The following DUOX2 variants were observed in gnomAD, a reference collection of about 807,000 sequenced individuals.
The protein encoded by DUOX2 is NADH/NADPH thyroid oxidase p138-tox.
In DUOX2, 185 loss-of-function variants were observed where a neutral mutation model predicts 183.3. The observed-to-expected ratio is 1.01, with a 90% CI of 0.90 to 1.14. The LOEUF (loss-of-function observed/expected upper bound fraction) is 1.14. Among genes scored for constraint, DUOX2 ranks in the 50% most tolerant of loss-of-function variants. The pLI, the probability that DUOX2 is intolerant of heterozygous loss-of-function variation, is 0.00. For missense variants in DUOX2, 1,999 were observed against 2,022.9 expected (o/e 0.99, Z 0.23); for synonymous variants, 788 against 812.4 (o/e 0.97, Z 0.51).
intron 21 of DUOX2, 166 bp from the exon 22 acceptor site, chr15:45,101,440 A>G (rs781434246): frequency 2.7e-5 from 19 of 705,574 alleles, no homozygotes; most frequent in Non-Finnish European, 4.0e-5. Context: ...AGGGCAGACA[A>G]TGTGGCAACT....
At chr15:45,109,796 A>G in intron 10 of DUOX2, 94 bp downstream of exon 10, 1 of 1,378,112 alleles carries the variant, frequency 7.3e-7, no homozygotes, top group Non-Finnish European at 1.0e-6. Flanking sequence ...AACCTGGGGC[A>G]GCAACACTCA....
At position 45,095,822 on chromosome 15, in the gene DUOX2, G is replaced by A. The variant is rs747176882; in HGVS notation, c.4080+6C>T. On this transcript the variant is annotated splice_donor_region_variant and intron_variant, in intron 30 of 33. Coordinates refer to ENST00000389039, the MANE Select transcript of DUOX2 (RefSeq NM_001363711.2). Reference sequence around the variant, plus strand: ...GCCCGGAAGCAGGGTTCCCAGTGACGGGCACCTTTGGGTATCCAGCACAGC... The same window carrying A: ...GCCCGGAAGCAGGGTTCCCAGTGACAGGCACCTTTGGGTATCCAGCACAGC... 7.1e-5 allele frequency: 115 copies of A among 1,612,288 alleles called. No homozygotes were observed. The highest frequency in any genetic ancestry group is 8.1e-5 in the Non-Finnish European group (96 of 1,178,684).
Position 45,111,073 on chromosome 15 carries a change from C to T in DUOX2, c.882+38G>A, listed in dbSNP as rs538141543. 1,135 of 744,238 alleles carry T rather than the reference C, an allele frequency of 1.5e-3. 1 individual carries two copies. The highest frequency in any genetic ancestry group is 3.5e-3 in the Middle Eastern group (9 of 2,558). 46.1% of individuals were successfully genotyped at this position (744,238 alleles called of 1,614,324 possible). ...CAGCGGAGTCTCCCGTGGGCTTGCA[C>T]GCGGAAGGGAGGACGTCGCGGGGCG... On this transcript the variant is annotated intron_variant, in intron 7 of 33. Coordinates refer to ENST00000389039, the MANE Select transcript of DUOX2 (RefSeq NM_001363711.2).
intron 26 of DUOX2, among the ~76,000 whole-genome samples, chr15:45,098,684 T>A (rs904450121): frequency 6.6e-6 from 1 of 151,674 alleles, no homozygotes; most frequent in Non-Finnish European, 1.5e-5. Context: ...TTGCTGAGTG[T>A]CTGGGACTGT....
chr15:45,113,492 C>T, intron 1 of DUOX2, 67 bp from the exon 2 acceptor site: 1 of 1,263,020 alleles, frequency 7.9e-7, no homozygotes. Context: ...CTCTATGCCT[C>T]CCCTCTTGTT....
Position 45,108,103 on chromosome 15 carries a change from G to T in DUOX2, c.1518C>A (p.Asp506Glu). ...PGPLFSAIVL[D>E]QFVRLRDGDR... Reference sequence around the variant, plus strand: ...CACCATCCCGCAGCCGTACAAACTGGTCGAGGACAATGGCACTGAACAGGG... The same window carrying T: ...CACCATCCCGCAGCCGTACAAACTGTTCGAGGACAATGGCACTGAACAGGG... Residue 506 changes from aspartate to glutamate, a missense_variant, in exon 13 of 34, where the codon GAC (aspartate) becomes GAA (glutamate). Coordinates refer to ENST00000389039, the MANE Select transcript of DUOX2 (RefSeq NM_001363711.2). 1.2e-6 allele frequency: 2 copies of T among 1,614,132 alleles called. No individual in the cohort carries two copies. Among genetic ancestry groups the T allele is most frequent in the Non-Finnish European group, 1.7e-6 (2 of 1,180,010 alleles).
chr15:45,112,641 T>C lies in DUOX2; in HGVS notation c.238A>G (p.Asn80Asp), dbSNP rs763442672. 2 of 1,612,902 alleles carry C rather than the reference T, an allele frequency of 1.2e-6. No homozygotes were observed. The highest frequency in any genetic ancestry group is 1.7e-6 in the Non-Finnish European group (2 of 1,179,878). The change falls in exon 4 of 34, where the codon AAC becomes GAC. Residue 80 changes from asparagine to aspartate, a missense_variant. Around this residue, in one of 3 missense-constraint regions of DUOX2, gnomAD observed 356 missense variants for 356.4 expected, o/e 1.00. Coordinates refer to ENST00000389039, the MANE Select transcript of DUOX2 (RefSeq NM_001363711.2). ...GCTGCGTTGCTGAGCCGGCGCGGGTTGGGCAGCTGCGGCTCCTCCAGAGCC... is the reference window on the plus strand; with the variant it reads ...GCTGCGTTGCTGAGCCGGCGCGGGTCGGGCAGCTGCGGCTCCTCCAGAGCC... ...YQALEEPQLP[N>D]PRRLSNAATR... is the part of the protein sequence containing the mutation.
chr15:45,113,222 C>T (rs1289138539), intron 2 of DUOX2, 120 bp downstream of exon 2: 4 of 1,454,614 alleles, frequency 2.7e-6, no homozygotes, highest in Middle Eastern at 3.7e-4. Context: ...TTTCCCATCC[C>T]GCTGAGCTGC....
At chr15:45,098,473 A>G (rs972141070) in intron 26 of DUOX2, among the ~76,000 whole-genome samples, 1 of 152,236 alleles carries the variant, frequency 6.6e-6, no homozygotes, top group Admixed American at 6.5e-5. Flanking sequence ...GGGTAGACAC[A>G]TGGGACATGC....
chr15:45,094,357 G>T (rs927752131), intron 33 of DUOX2, 85 bp from the exon 34 acceptor site: 2 of 1,598,560 alleles, frequency 1.3e-6, no homozygotes, highest in African/African-American at 2.7e-5. Flanking sequence ...GAGCCTGGCT[G>T]GAATGACTAA....
At chr15:45,103,703 G>GTT (rs75922593) in intron 20 of DUOX2, among the ~76,000 whole-genome samples, 1 of 146,732 alleles carries the variant, frequency 6.8e-6, no homozygotes, top group African/African-American at 2.5e-5. Flanking sequence ...TTGGTGTTGG[G>GTT]TTTTTTTTTT....
In DUOX2 at chr15:45,094,849, C is replaced by T. The variant is rs141471840; in HGVS notation, c.4395+87G>A. 338 of 1,598,676 alleles carry T rather than the reference C, an allele frequency of 2.1e-4. 1 individual carries two copies. The African/African-American group carries it at 3.3e-3, about 15-fold the overall frequency. On this transcript the variant is annotated intron_variant, in intron 32 of 33. Transcript: ENST00000389039. ...GTGCCTCCTGCCAGCTCAGCCTGGC[C>T]GTCCACCCACCTGCCCTGGCCATCC...
Position 45,101,921 on chromosome 15 carries a change from A to C in DUOX2, c.2723T>G (p.Phe908Cys). 2 of 1,614,202 alleles carry C rather than the reference A, an allele frequency of 1.2e-6. No individual in the cohort carries two copies. The highest frequency in any genetic ancestry group is 1.7e-6 in the Non-Finnish European group (2 of 1,180,038). ...CTTGTCCTGGAATCCCGACTCCCGG[A>C]ACATAGACTCCACCACCTCGGCCAG... ...AQLAEVVESM[F>C]RESGFQDKEE... Residue 908 changes from phenylalanine (F) to cysteine (C), a missense_variant, in exon 21 of 34, where the codon TTC (phenylalanine) becomes TGC (cysteine). By Grantham distance (205) the Phe-to-Cys change is radical. Coordinates refer to ENST00000389039, the MANE Select transcript of DUOX2 (RefSeq NM_001363711.2).
chr15:45,107,038 C>G, intron 14 of DUOX2, 69 bp from the exon 15 acceptor site: 1 of 1,549,034 alleles, frequency 6.5e-7, no homozygotes, highest in Non-Finnish European at 8.7e-7. Flanking sequence ...TCTTTCCCCT[C>G]TATCCTATAA....
chr15:45,093,294 G>A lies in DUOX2; in HGVS notation c.*856C>T, dbSNP rs1025591202. On this transcript the variant is annotated 3_prime_UTR_variant, in exon 34 of 34. Coordinates refer to ENST00000389039, the MANE Select transcript of DUOX2 (RefSeq NM_001363711.2). Reference sequence around the variant, plus strand: ...CTTGTGGAAGAGGGGAATTGAGATCGAGTACTGAATATCTGGCAGAGAGGC... The same window carrying A: ...CTTGTGGAAGAGGGGAATTGAGATCAAGTACTGAATATCTGGCAGAGAGGC... The A allele has an allele frequency of 6.6e-6, 1 of 152,224 alleles. No homozygotes were observed. The highest frequency in any genetic ancestry group is 6.5e-5 in the Admixed American group (1 of 15,272). 9.4% of individuals were successfully genotyped at this position (152,224 alleles called of 1,614,324 possible). A position where few individuals can be genotyped will look rare whatever the true frequency, so the allele number is the denominator to read the frequency against.
chr15:45,097,093 C>T (rs1401789399), intron 29 of DUOX2, 145 bp downstream of exon 29: 14 of 1,219,384 alleles, frequency 1.1e-5, no homozygotes, highest in Non-Finnish European at 1.4e-5. Context: ...CCTTCAGGAA[C>T]CCCCGAGAGT....
rs1566977760 is a variant in DUOX2 at position 45,110,727 on chromosome 15, G to C, written c.883-17C>G. On this transcript the variant is annotated splice_polypyrimidine_tract_variant and intron_variant, in intron 7 of 33. Transcript: ENST00000389039. ...AGCGATGTTCTGAGGGGCAGAGAGG[G>C]GCGAGGGGAGGCACAAGTTGGATGG... 1.9e-6 allele frequency: 3 copies of C among 1,611,936 alleles called. No homozygotes were observed. Among genetic ancestry groups the C allele is most frequent in the South Asian group, 2.2e-5 (2 of 90,978 alleles).
intron 17 of DUOX2, 147 bp downstream of exon 17, chr15:45,105,978 G>A: frequency 1.5e-6 from 2 of 1,369,906 alleles, no homozygotes; most frequent in Non-Finnish European, 2.0e-6. Flanking sequence ...AGGGGGTCAG[G>A]TTGTGTCTGG....
chr15:45,109,772 C>A, intron 10 of DUOX2, 118 bp downstream of exon 10: 1 of 1,312,932 alleles, frequency 7.6e-7, no homozygotes, highest in Admixed American at 1.7e-5. Flanking sequence ...TTCCTCTACC[C>A]TTCATCTCCC....
Sources: gnomAD v4.1 joint callset for allele counts (sites outside exome capture counted in the v4.1 genomes callset) on GRCh38, gnomAD v4.1.1 for gene constraint, gnomAD v4.1.1 regional missense constraint, MANE v1.5 for transcripts, NCBI Gene and HGNC (gene_info 2026-07-23, HGNC 2026-07-21) for gene names.